RYR2: variants seen among roughly 807,000 people sequenced by gnomAD.
RYR2 encodes the protein cardiac muscle ryanodine receptor-calcium release channel.
A neutral mutation model predicts 601.1 loss-of-function variants in RYR2; 227 were observed. The ratio of observed to expected loss-of-function variants is 0.38; its 90% CI spans 0.34 to 0.42. RYR2 has a LOEUF of 0.42. RYR2 is among the 10% of genes least tolerant of loss of function. The probability of loss-of-function intolerance (pLI) is 1.00; values close to 1 mark genes in which losing one functional copy is unlikely to be tolerated. For synonymous variants in RYR2, 2,223 were observed against 2,175.1 expected, an observed-to-expected ratio of 1.02 and a Z score of -0.61; for missense variants, 4,646 against 6,156.5, an observed-to-expected ratio of 0.75 and a Z score of 8.21.
chr1:237,738,726 A>G (rs964658389), intron 79 of RYR2, among the ~76,000 whole-genome samples: 5 of 152,038 alleles, frequency 3.3e-5, no homozygotes, highest in African/African-American at 9.7e-5. Flanking sequence ...GGGCAGATAT[A>G]CCAGAGCTTA....
At chr1:237,708,081 T>G (rs1184656863) in intron 68 of RYR2, among the ~76,000 whole-genome samples, 1 of 151,910 alleles carries the variant, frequency 6.6e-6, no homozygotes, top group East Asian at 1.9e-4. Flanking sequence ...CACGTCTATG[T>G]CATCTTTAAA....
chr1:237,575,745 T>A (rs988074030), intron 29 of RYR2, among the ~76,000 whole-genome samples: 6 of 152,316 alleles, frequency 3.9e-5, no homozygotes, highest in Admixed American at 3.9e-4. Flanking sequence ...CAACCACAAC[T>A]TATTGCTGTG....
At chr1:237,717,873 G>A (rs1689393750) in intron 72 of RYR2, among the ~76,000 whole-genome samples, 1 of 152,176 alleles carries the variant, frequency 6.6e-6, no homozygotes, top group Non-Finnish European at 1.5e-5. Flanking sequence ...TGCAAATGAG[G>A]ATGCAATATT....
At chr1:237,828,323 A>C in intron 101 of RYR2, 58 bp from the exon 102 acceptor site, 1 of 1,250,830 alleles carries the variant, frequency 8.0e-7, no homozygotes, top group Admixed American at 2.0e-5. Context: ...GGATTAGCCA[A>C]GGAACTGAAT....
intron 29 of RYR2, among the ~76,000 whole-genome samples, chr1:237,569,595 C>T (rs1157453387): frequency 6.6e-6 from 1 of 152,122 alleles, no homozygotes; most frequent in African/African-American, 2.4e-5. Context: ...GAATAGGTTT[C>T]CATCATTGTT....
intron 1 of RYR2, among the ~76,000 whole-genome samples, chr1:237,247,167 T>A (rs1250742196): frequency 6.6e-6 from 1 of 152,240 alleles, no homozygotes; most frequent in African/African-American, 2.4e-5. Flanking sequence ...TTTTCTTTCC[T>A]AATTTTTCTA....
chr1:237,436,789 A>G lies in RYR2; in HGVS notation c.1006-4530A>G, dbSNP rs530067940. ...CGGATGATTTTAACTATGCTAGAAG[A>G]ATTCCTCTGAACCGCATGCTCTGTA... On this transcript the variant is annotated intron_variant, in intron 12 of 104. Transcript: ENST00000366574. Among the ~76,000 whole-genome samples the G allele has an allele frequency of 4.6e-5, 7 of 151,130 alleles. No homozygotes were observed. In the East Asian group the frequency reaches 1.2e-3, roughly 25 times the overall value.
At chr1:237,273,952 A>G (rs1027392591) in intron 2 of RYR2, among the ~76,000 whole-genome samples, 21 of 146,448 alleles carry the variant, frequency 1.4e-4, no homozygotes, top group Non-Finnish European at 2.5e-4. Flanking sequence ...TTTATATTAT[A>G]TAACGCATAT....
intron 1 of RYR2, among the ~76,000 whole-genome samples, chr1:237,170,785 C>T (rs1677271479): frequency 6.6e-6 from 1 of 152,030 alleles, no homozygotes; most frequent in African/African-American, 2.4e-5. Flanking sequence ...GTGCAAAACA[C>T]AGAACGTGTC....
rs184287269 is a variant in RYR2 at position 237,308,902 on chromosome 1, G to A, written c.169-21976G>A. ...AGCTGATTGGTCTGTCTTATAGAGAGCTGATTGGTCCATTTTGACAGGGTG... is the reference window on the plus strand; with the variant it reads ...AGCTGATTGGTCTGTCTTATAGAGAACTGATTGGTCCATTTTGACAGGGTG... On this transcript the variant is annotated intron_variant, in intron 2 of 104. Transcript: ENST00000366574. Among the ~76,000 whole-genome samples the A allele has an allele frequency of 4.1e-3, 627 of 152,310 alleles. 4 individuals carry two copies. The highest frequency in any genetic ancestry group is 5.7e-3 in the Non-Finnish European group (388 of 68,028).
intron 60 of RYR2, among the ~76,000 whole-genome samples, chr1:237,675,793 C>T (rs1685341042): frequency 6.6e-6 from 1 of 151,966 alleles, no homozygotes; most frequent in Non-Finnish European, 1.5e-5. Context: ...CCTCTTGTAT[C>T]CTAAATGTGA....
Position 237,660,995 on chromosome 1 carries a change from A to T in RYR2, c.8436+48A>T, listed in dbSNP as rs1683733459. 4 of 1,267,270 alleles carry T rather than the reference A, an allele frequency of 3.2e-6. No homozygotes were observed. The African/African-American group carries it at 6.2e-5, about 20-fold the overall frequency. The allele number at this position is 1,267,270 out of a possible 1,614,324, so 78.5% of individuals were successfully genotyped here. On this transcript the variant is annotated intron_variant, in intron 56 of 104. Coordinates refer to ENST00000366574, the MANE Select transcript of RYR2 (RefSeq NM_001035.3). The stretch of plus-strand genomic sequence containing the variant: ...AATCAACTGTTTATGTTATGGATTA[A>T]ATAATTTTTTAAATTTAATTATTGA...
Position 237,639,165 on chromosome 1 carries a change from A to G in RYR2, c.7079A>G (p.Asp2360Gly). 2 of 1,613,802 alleles carry G rather than the reference A, an allele frequency of 1.2e-6. No homozygotes were observed. Among genetic ancestry groups the G allele is most frequent in the Non-Finnish European group, 1.7e-6 (2 of 1,179,780 alleles). Residue 2360 changes from aspartate (D) to glycine (G), a missense_variant, in exon 46 of 105, where the codon GAT (aspartate) becomes GGT (glycine). Asp to Gly is a moderately conservative substitution (Grantham distance 94). Transcript: ENST00000366574. The stretch of plus-strand genomic sequence containing the variant: ...AAAATCGCCGAGGATCCTTCCCGAG[A>G]TGGTCCCTCACCAAATAGCGGATCC... ...AIKIAEDPSR[D>G]GPSPNSGSSK...
chr1:237,415,314 T>C lies in RYR2; in HGVS notation c.774-1735T>C, dbSNP rs373132709. ...TTATGCAGCGACAGTTGAAAATCACTGCTGTGGACACTGGTTATTGATGGC... is the reference window on the plus strand; with the variant it reads ...TTATGCAGCGACAGTTGAAAATCACCGCTGTGGACACTGGTTATTGATGGC... On this transcript the variant is annotated intron_variant, in intron 10 of 104. Coordinates refer to ENST00000366574, the MANE Select transcript of RYR2 (RefSeq NM_001035.3). Among the ~76,000 whole-genome samples, 4 of 152,324 alleles carry C rather than the reference T, an allele frequency of 2.6e-5. No homozygotes were observed. In the East Asian group the frequency reaches 7.7e-4, roughly 29 times the overall value.
intron 26 of RYR2, among the ~76,000 whole-genome samples, chr1:237,549,404 G>A (rs139144691): frequency 0.018 from 2,785 of 151,978 alleles, 92 homozygotes; most frequent in African/African-American, 0.064. Flanking sequence ...GTGAGAGACC[G>A]TCTCTACAAA....
chr1:237,578,089 C>T (rs962549420), intron 29 of RYR2, among the ~76,000 whole-genome samples: 2 of 152,052 alleles, frequency 1.3e-5, no homozygotes, highest in African/African-American at 4.8e-5. Flanking sequence ...GGATTACAGG[C>T]GTGAGCCACC....
At chr1:237,391,091 G>T (rs1002808272) in intron 10 of RYR2, among the ~76,000 whole-genome samples, 2 of 152,054 alleles carry the variant, frequency 1.3e-5, no homozygotes, top group African/African-American at 4.8e-5. Context: ...ATAATTCCTT[G>T]AATTTCACAA....
intron 79 of RYR2, among the ~76,000 whole-genome samples, chr1:237,734,173 G>C (rs1361905836): frequency 1.3e-5 from 2 of 152,106 alleles, no homozygotes; most frequent in African/African-American, 4.8e-5. Flanking sequence ...CCTGAGACTA[G>C]GTAATCTATA....
Position 237,743,450 on chromosome 1 carries a change from T to G in RYR2, c.11145+1101T>G, listed in dbSNP as rs1034866190. 15 of 259,314 alleles carry G rather than the reference T, an allele frequency of 5.8e-5. No individual in the cohort carries two copies. In the East Asian group the frequency reaches 1.3e-3, roughly 23 times the overall value. The allele number at this position is 259,314 out of a possible 1,614,324, so 16.1% of individuals were successfully genotyped here. A position where few individuals can be genotyped will look rare whatever the true frequency, so the allele number is the denominator to read the frequency against. On this transcript the variant is annotated intron_variant, in intron 80 of 104. Coordinates refer to ENST00000366574, the MANE Select transcript of RYR2 (RefSeq NM_001035.3). ...ATGTTTTCTATTCTCAAAGTCATCT[T>G]TATTGATAAGAAAGTGAGGTCAGTT...
Sources: gnomAD v4.1 joint callset for allele counts (sites outside exome capture counted in the v4.1 genomes callset) on GRCh38, gnomAD v4.1.1 for gene constraint, MANE v1.5 for transcripts, NCBI Gene and HGNC (gene_info 2026-07-23, HGNC 2026-07-21) for gene names.